Variants in RNF213 observed in about 807,000 individuals in gnomAD.
RNF213 encodes the protein E3 ubiquitin-protein ligase RNF213.
RNF213 carries 341 observed loss-of-function variants against 514.4 expected under a neutral mutation model. The ratio of observed to expected loss-of-function variants is 0.66; its 90% CI spans 0.61 to 0.73. RNF213 has a LOEUF of 0.73. Among genes scored for constraint, RNF213 ranks in the 30% least tolerant of loss-of-function variants. The pLI, the probability that RNF213 is intolerant of heterozygous loss-of-function variation, is 0.00. For synonymous variants in RNF213, 2,655 were observed against 2,658.2 expected (o/e 1.00, Z 0.04); for missense variants, 5,767 against 6,615.6 (o/e 0.87, Z 4.45).
At chr17:80,289,324 T>C (rs1292234373) in intron 5 of RNF213, among the ~76,000 whole-genome samples, 2 of 152,140 alleles carry the variant, frequency 1.3e-5, no homozygotes, top group African/African-American at 2.4e-5. Context: ...GCGCGGTAGC[T>C]CACACCTATA....
Position 80,319,941 on chromosome 17 carries a change from C to G in RNF213, c.3024+629C>G, listed in dbSNP as rs1037121892. Reference sequence around the variant, plus strand: ...CCAGAAACATTGAGGTCATTGAATTCCGGGGACCAAGGGGTTCTAATTTTT... The same window carrying G: ...CCAGAAACATTGAGGTCATTGAATTGCGGGGACCAAGGGGTTCTAATTTTT... On this transcript the variant is annotated intron_variant, in intron 17 of 67. Transcript: ENST00000582970. 6.8e-6 allele frequency: 7 copies of G among 1,031,466 alleles called. No individual in the cohort carries two copies. The African/African-American group carries it at 1.2e-4, about 18-fold the overall frequency. The allele number at this position is 1,031,466 out of a possible 1,614,324, so 63.9% of individuals were successfully genotyped here.
At chr17:80,352,799 C>A in intron 32 of RNF213, 141 bp from the exon 33 acceptor site, 1 of 1,322,762 alleles carries the variant, frequency 7.6e-7, no homozygotes, top group Non-Finnish European at 1.1e-6. Flanking sequence ...CAGGCCCATT[C>A]CAGGGTTTCG....
chr17:80,386,674 T>A lies in RNF213; in HGVS notation c.14721-16T>A, dbSNP rs1161123597. 3 of 1,613,694 alleles carry A rather than the reference T, an allele frequency of 1.9e-6. No homozygotes were observed. In the Admixed American group the frequency reaches 5.0e-5, roughly 27 times the overall value. The stretch of plus-strand genomic sequence containing the variant: ...TGCCTGGCCTGGACGCTGAGCGCTG[T>A]CTTTCTGCCCCTCAGCTATTCCGTG... On this transcript the variant is annotated splice_polypyrimidine_tract_variant and intron_variant, in intron 62 of 67. Coordinates refer to ENST00000582970, the MANE Select transcript of RNF213 (RefSeq NM_001256071.3).
At chr17:80,351,653 A>C (rs2078521073) in intron 31 of RNF213, 32 bp from the exon 32 acceptor site, 2 of 1,168,412 alleles carry the variant, frequency 1.7e-6, no homozygotes, top group South Asian at 2.5e-5. Context: ...TTTGTTTTTA[A>C]AATAGGTATT....
At chr17:80,331,150 G>T (rs747016412) in intron 20 of RNF213, among the ~76,000 whole-genome samples, 1 of 152,106 alleles carries the variant, frequency 6.6e-6, no homozygotes, top group Non-Finnish European at 1.5e-5. Context: ...TTTGAACCCA[G>T]TCTTCCTTAT....
Position 80,339,435 on chromosome 17 carries a change from T to C in RNF213, c.5068T>C (p.Phe1690Leu). ...MEHFLDSWKRFVTQKRMEHFY... is the reference protein window; with the variant it reads ...MEHFLDSWKRLVTQKRMEHFY... ...GCACTTCCTTGACAGCTGGAAGAGA[T>C]TTGTGACCCAGAAGCGAATGGAGCA... Residue 1690 changes from phenylalanine to leucine, a missense_variant, in exon 26 of 68, where the codon TTT becomes CTT. This residue lies in a region of RNF213 where 1,377 missense variants were observed against 1,635.2 expected (regional missense o/e 0.84). Coordinates refer to ENST00000582970, the MANE Select transcript of RNF213 (RefSeq NM_001256071.3). 6.5e-7 allele frequency: 1 copy of C among 1,537,206 alleles called. No homozygotes were observed. The highest frequency in any genetic ancestry group is 8.7e-7 in the Non-Finnish European group (1 of 1,146,890).
chr17:80,345,925 C>A lies in RNF213; in HGVS notation c.7590C>A (p.His2530Gln). Residue 2530 changes from histidine (H) to glutamine (Q), a missense_variant, in exon 29 of 68, where the codon CAC becomes CAA. By Grantham distance (24) the His-to-Gln change is conservative. This residue lies in a region of RNF213 where 1,377 missense variants were observed against 1,635.2 expected (regional missense o/e 0.84). Coordinates refer to ENST00000582970, the MANE Select transcript of RNF213 (RefSeq NM_001256071.3). The surrounding 1 kb of genome is among the most constrained non-coding windows in gnomAD (Gnocchi z 6.0). The stretch of plus-strand genomic sequence containing the variant: ...CTGCCTGCAATCCATACCGGAAGCA[C>A]TCTGAGGAGATGATCTGCCGTTTGG... ...IIAACNPYRKHSEEMICRLES... is the reference protein window; with the variant it reads ...IIAACNPYRKQSEEMICRLES... 6.2e-7 allele frequency: 1 copy of A among 1,614,226 alleles called. No homozygotes were observed. Among genetic ancestry groups the A allele is most frequent in the Middle Eastern group, 1.6e-4 (1 of 6,062 alleles).
At chr17:80,366,142 G>A (rs759511226) in intron 42 of RNF213, among the ~76,000 whole-genome samples, 14 of 152,250 alleles carry the variant, frequency 9.2e-5, no homozygotes, top group Non-Finnish European at 1.6e-4. Flanking sequence ...GGAAAGCCCT[G>A]CCTTCCGCCG....
chr17:80,361,643 C>G (rs2079058420), intron 38 of RNF213, 91 bp from the exon 39 acceptor site: 1 of 1,443,956 alleles, frequency 6.9e-7, no homozygotes, highest in Admixed American at 1.7e-5. Context: ...ACAAGGCGTC[C>G]CCATTCCCCT....
At chr17:80,331,922 A>C in intron 20 of RNF213, 84 bp from the exon 21 acceptor site, 1 of 1,440,764 alleles carries the variant, frequency 6.9e-7, no homozygotes, top group Non-Finnish European at 9.2e-7. Context: ...CAGAGAAGTG[A>C]GGAGAGAAAG....
chr17:80,344,116 C>A, intron 28 of RNF213, 101 bp downstream of exon 28: 1 of 1,278,434 alleles, frequency 7.8e-7, no homozygotes. Flanking sequence ...CACATCTTTG[C>A]CTTACTTAGT....
Position 80,360,081 on chromosome 17 carries a change from A to G in RNF213, c.11075A>G (p.Tyr3692Cys). The change falls in exon 38 of 68, where the codon TAC becomes TGC. Residue 3692 changes from tyrosine to cysteine, a missense_variant. Tyr to Cys is a radical substitution (Grantham distance 194, BLOSUM62 -2). Transcript: ENST00000582970. ...TGCAGACATAAAGGTGAGATGGCCT[A>G]CATCGTGGTGCAGAACCACATGAAC... ...NNERHKGEMA[Y>C]IVVQNHMNLS... 6.2e-7 allele frequency: 1 copy of G among 1,614,216 alleles called. No individual in the cohort carries two copies. Among genetic ancestry groups the G allele is most frequent in the Non-Finnish European group, 8.5e-7 (1 of 1,180,036 alleles).
chr17:80,296,930 C>T lies in RNF213; in HGVS notation c.2012+1117C>T, dbSNP rs563919719. Among the ~76,000 whole-genome samples the T allele has an allele frequency of 1.1e-4, 17 of 151,664 alleles. No individual in the cohort carries two copies. The South Asian group carries it at 2.1e-3, about 19-fold the overall frequency. Reference sequence around the variant, plus strand: ...TCCTGACCTTGTGATCCGCCTGCCTCGACCTCCCAAAGTGCTGGGATTATA... The same window carrying T: ...TCCTGACCTTGTGATCCGCCTGCCTTGACCTCCCAAAGTGCTGGGATTATA... On this transcript the variant is annotated intron_variant, in intron 10 of 67. Coordinates refer to ENST00000582970, the MANE Select transcript of RNF213 (RefSeq NM_001256071.3).
chr17:80,301,226 C>A (rs1338745538), intron 11 of RNF213, among the ~76,000 whole-genome samples: 1 of 152,024 alleles, frequency 6.6e-6, no homozygotes, highest in African/African-American at 2.4e-5. Flanking sequence ...ATTCCTATGT[C>A]TAGAATGGTA....
At position 80,377,716 on chromosome 17, in the gene RNF213, T is replaced by G; in HGVS notation, c.13511-46T>G. On this transcript the variant is annotated intron_variant, in intron 53 of 67. Coordinates refer to ENST00000582970, the MANE Select transcript of RNF213 (RefSeq NM_001256071.3). This position sits in a 1 kb window ranked among gnomAD's most constrained non-coding sequence, Gnocchi z 4.1. ...AGCTTTCCCTTTTCAATGTGGGTCA[T>G]TGGGTGAAACCTCATTAGCCAATGT... is the stretch of plus-strand genomic sequence containing the variant. 6.2e-7 allele frequency: 1 copy of G among 1,610,800 alleles called. No individual in the cohort carries two copies. The highest frequency in any genetic ancestry group is 8.5e-7 in the Non-Finnish European group (1 of 1,176,900).
At chr17:80,318,865 G>T (rs146664713) in intron 16 of RNF213, among the ~76,000 whole-genome samples, 9 of 152,170 alleles carry the variant, frequency 5.9e-5, no homozygotes, top group Non-Finnish European at 1.2e-4. Context: ...GAGCCACCGC[G>T]CCCGGCCTAT....
chr17:80,325,746 C>T (rs1199093718), intron 18 of RNF213, among the ~76,000 whole-genome samples: 2 of 151,538 alleles, frequency 1.3e-5, no homozygotes, highest in Non-Finnish European at 2.9e-5. Context: ...ATCCTAAAAA[C>T]GTTAGAGTCC....
chr17:80,358,390 A>C lies in RNF213; in HGVS notation c.10965A>C (p.Pro3655=). 1 of 1,613,974 alleles carries C rather than the reference A, an allele frequency of 6.2e-7. No homozygotes were observed. The part of the protein sequence containing the change: ...RDGNLELLTR[P]DTPPWARDLW... Reference sequence around the variant, plus strand: ...GCAACCTAGAGTTACTGACCAGGCCAGATACTCCGCCCTGGGCAAGAGATC... The same window carrying C: ...GCAACCTAGAGTTACTGACCAGGCCCGATACTCCGCCCTGGGCAAGAGATC... Residue 3655 remains proline (P), a synonymous_variant, in exon 37 of 68, where the codon CCA becomes CCC. Transcript: ENST00000582970.
intron 46 of RNF213, among the ~76,000 whole-genome samples, chr17:80,370,818 C>G (rs1378659426): frequency 6.6e-6 from 1 of 152,322 alleles, no homozygotes; most frequent in Admixed American, 6.5e-5. Context: ...CTGGGCAGGC[C>G]TCTCCTGGAA....
Sources: gnomAD v4.1 joint callset for allele counts (sites outside exome capture counted in the v4.1 genomes callset) on GRCh38, gnomAD v4.1.1 for gene constraint, gnomAD v4.1.1 regional missense constraint, Gnocchi (gnomAD v3.1) non-coding constraint, MANE v1.5 for transcripts, NCBI Gene and HGNC (gene_info 2026-07-23, HGNC 2026-07-21) for gene names.